Variants in LYPLAL1 observed in about 807,000 individuals in gnomAD.
The protein encoded by LYPLAL1 is lysophospholipase-like protein 1.
Under a neutral mutation model 19.7 loss-of-function variants are expected in LYPLAL1, and 23 were observed. The observed-to-expected ratio is 1.17, with a 90% CI of 0.84 to 1.65. The LOEUF (loss-of-function observed/expected upper bound fraction) is 1.65, where lower values mean the gene tolerates loss of function less well. Among genes scored for constraint, LYPLAL1 ranks in the 40% most tolerant of loss-of-function variants. The pLI is 0.00. For missense variants in LYPLAL1, 355 were observed against 279.4 expected (o/e 1.27, Z -1.93); for synonymous variants, 119 against 96.3 (o/e 1.24, Z -1.38).
At chr1:219,301,990 A>G in the LYPLAL1 span, among the ~76,000 whole-genome samples, 2 of 152,166 alleles carry the variant, frequency 1.3e-5, no homozygotes, top group African/African-American at 4.8e-5. Context: ...AAAAAGAGAG[A>G]GAGAGAGAGA....
At chr1:219,293,241 C>T in the LYPLAL1 span, among the ~76,000 whole-genome samples, 4 of 151,188 alleles carry the variant, frequency 2.6e-5, no homozygotes, top group African/African-American at 2.4e-5. Flanking sequence ...TTCTGGTCTC[C>T]GCAAACCATA....
chr1:219,374,387 C>T, the LYPLAL1 span, among the ~76,000 whole-genome samples: 2 of 151,978 alleles, frequency 1.3e-5, no homozygotes, highest in African/African-American at 4.8e-5. Flanking sequence ...ACGTCCAGTG[C>T]CTGGGACCTA....
chr1:219,360,280 C>A, the LYPLAL1 span, among the ~76,000 whole-genome samples: 2 of 152,220 alleles, frequency 1.3e-5, no homozygotes, highest in South Asian at 2.1e-4. Flanking sequence ...ATCGGGAGAA[C>A]TTCTTGGTGA....
At chr1:219,196,838 A>G (rs1245794717) in intron 3 of LYPLAL1, among the ~76,000 whole-genome samples, 2 of 152,166 alleles carry the variant, frequency 1.3e-5, no homozygotes, top group Non-Finnish European at 2.9e-5. Context: ...AATCACAAGC[A>G]TTCCTATACA....
At chr1:219,427,325 G>A in the LYPLAL1 span, among the ~76,000 whole-genome samples, 1 of 152,190 alleles carries the variant, frequency 6.6e-6, no homozygotes, top group Middle Eastern at 3.2e-3. Context: ...AATAGGTCTA[G>A]AGAGAACATA....
the LYPLAL1 span, among the ~76,000 whole-genome samples, chr1:219,267,563 C>T: frequency 1.3e-5 from 2 of 152,138 alleles, no homozygotes; most frequent in East Asian, 3.9e-4. Flanking sequence ...CTCTTAAATG[C>T]CTCTCACATT....
chr1:219,392,988 G>C, the LYPLAL1 span, among the ~76,000 whole-genome samples: 4 of 152,262 alleles, frequency 2.6e-5, no homozygotes, highest in Admixed American at 2.0e-4. Context: ...AGGTATTTTT[G>C]CTTGGGTCTA....
chr1:219,222,699 AGT>A, the LYPLAL1 span: 1 of 152,090 alleles, frequency 6.6e-6, no homozygotes, highest in Non-Finnish European at 1.5e-5. Context: ...ACTCAATGCA[AGT>A]GTGTCGCTCT....
chr1:219,406,467 C>A, the LYPLAL1 span, among the ~76,000 whole-genome samples: 1 of 152,044 alleles, frequency 6.6e-6, no homozygotes. Context: ...AGATTAGGAC[C>A]TAAACACACT....
chr1:219,180,089 C>T (rs545199468), intron 2 of LYPLAL1, among the ~76,000 whole-genome samples: 1 of 152,246 alleles, frequency 6.6e-6, no homozygotes, highest in African/African-American at 2.4e-5. Context: ...CTTTGCCTCC[C>T]AAGTTCAAAG....
the LYPLAL1 span, among the ~76,000 whole-genome samples, chr1:219,412,405 A>G: frequency 6.6e-6 from 1 of 152,156 alleles, no homozygotes; most frequent in African/African-American, 2.4e-5. Flanking sequence ...TAACCCCTCC[A>G]TCATGCTATT....
the LYPLAL1 span, among the ~76,000 whole-genome samples, chr1:219,226,436 C>T: frequency 6.6e-6 from 1 of 152,216 alleles, no homozygotes; most frequent in Admixed American, 6.5e-5. Context: ...TGCTCCCACT[C>T]TGTCCTTGGA....
chr1:219,212,481 G>A lies in LYPLAL1; in HGVS notation c.*753G>A, dbSNP rs1388437727. 1.3e-5 allele frequency: 2 copies of A among 151,944 alleles called. No individual in the cohort carries two copies. Among genetic ancestry groups the A allele is most frequent in the East Asian group, 1.9e-4 (1 of 5,174 alleles). The allele number at this position is 151,944 out of a possible 1,614,324, so 9.4% of individuals were successfully genotyped here. On this transcript the variant is annotated 3_prime_UTR_variant, in exon 5 of 5. Coordinates refer to ENST00000366928, the MANE Select transcript of LYPLAL1 (RefSeq NM_138794.5). ...TAACCATAAGGAGAGTCATGATCTG[G>A]TTCCAGGAATACATTGTTAGATGAC...
chr1:219,434,557 T>C, the LYPLAL1 span, among the ~76,000 whole-genome samples: 2 of 152,216 alleles, frequency 1.3e-5, no homozygotes, highest in Non-Finnish European at 2.9e-5. Flanking sequence ...TGCATTTCTA[T>C]GAAATTATTG....
chr1:219,344,509 TTA>T, the LYPLAL1 span, among the ~76,000 whole-genome samples: 12 of 152,200 alleles, frequency 7.9e-5, no homozygotes, highest in Non-Finnish European at 1.5e-4. Context: ...ATTCTTCATC[TTA>T]TGGTTTTAAA....
At chr1:219,306,592 T>C in the LYPLAL1 span, among the ~76,000 whole-genome samples, 23 of 151,962 alleles carry the variant, frequency 1.5e-4, no homozygotes, top group African/African-American at 5.6e-4. Flanking sequence ...TCTTCCTGGG[T>C]CTCCAGCCTA....
the LYPLAL1 span, among the ~76,000 whole-genome samples, chr1:219,364,931 T>G: frequency 1.3e-5 from 2 of 152,178 alleles, no homozygotes; most frequent in Non-Finnish European, 2.9e-5. Context: ...AAAATTTAGT[T>G]AAACTGTGTT....
chr1:219,337,655 A>G, the LYPLAL1 span, among the ~76,000 whole-genome samples: 1 of 152,008 alleles, frequency 6.6e-6, no homozygotes, highest in South Asian at 2.1e-4. Context: ...CAAAATTACT[A>G]AAAGTGGGGT....
At chr1:219,367,523 G>A in the LYPLAL1 span, among the ~76,000 whole-genome samples, 98 of 151,504 alleles carry the variant, frequency 6.5e-4, no homozygotes, top group East Asian at 0.018. Flanking sequence ...AAAAAAAAAA[G>A]TGCCAACACT....
Sources: allele counts gnomAD v4.1 joint callset (sites outside exome capture counted in the v4.1 genomes callset), GRCh38; gene constraint gnomAD v4.1.1; transcripts MANE v1.5; gene names NCBI Gene and HGNC (gene_info 2026-07-23, HGNC 2026-07-21).